SLC2A14: variants seen among roughly 807,000 people sequenced by gnomAD.
SLC2A14 encodes the protein solute carrier family 2, facilitated glucose transporter member 14.
A neutral mutation model predicts 43.0 loss-of-function variants in SLC2A14; 13 were observed. The ratio of observed to expected loss-of-function variants is 0.30; its 90% CI spans 0.20 to 0.48. The LOEUF (loss-of-function observed/expected upper bound fraction) is 0.48, where lower values mean the gene tolerates loss of function less well. Among genes scored for constraint, SLC2A14 ranks in the 20% least tolerant of loss-of-function variants. SLC2A14 has a pLI of 0.99. For synonymous variants in SLC2A14, 190 were observed against 233.8 expected, an observed-to-expected ratio of 0.81 and a Z score of 1.71; for missense variants, 428 against 620.4, an observed-to-expected ratio of 0.69 and a Z score of 3.29.
At chr12:7,829,134 C>A (rs1432195075) in intron 5 of SLC2A14, among the ~76,000 whole-genome samples, 1 of 151,896 alleles carries the variant, frequency 6.6e-6, no homozygotes, top group East Asian at 1.9e-4. Context: ...ATTACTTGAA[C>A]CCAGGAGGCG....
At chr12:7,874,815 T>TTTATATATAAATAATATATAAATACGTA (rs1565584713), upstream of SLC2A14, among the ~76,000 whole-genome samples, 5,290 of 79,140 alleles carry the variant, frequency 0.067, 596 homozygotes, top group East Asian at 0.3. Flanking sequence ...TAAATACGTA[T>TTTATATATAAATAATATATAAATACGTA]TTATATATAA....
chr12:7,870,006 G>T, intron 1 of SLC2A14, 69 bp from the exon 2 acceptor site: 1 of 936,502 alleles, frequency 1.1e-6, no homozygotes, highest in South Asian at 1.7e-5. Context: ...AAGAGGCTGT[G>T]ATTTAGCCCC....
chr12:7,826,857 T>TTCCTTCCTTCCTTCCTTCCTTCCTTC (rs1491266594), intron 7 of SLC2A14, among the ~76,000 whole-genome samples: 1 of 75,030 alleles, frequency 1.3e-5, no homozygotes, highest in Non-Finnish European at 2.7e-5. Context: ...TTCCTTCCTT[T>TTCCTTCCTTCCTTCCTTCCTTCCTTC]CTTTTTTCTT....
At chr12:7,821,926 G>A (rs1366743339) in intron 7 of SLC2A14, among the ~76,000 whole-genome samples, 1 of 149,034 alleles carries the variant, frequency 6.7e-6, no homozygotes, top group African/African-American at 2.5e-5. Flanking sequence ...CCGGGTTCAA[G>A]CGATTCTCCT....
Position 7,886,140 on chromosome 12 carries a change from C to T in SLC2A14, c.132+4856G>A, listed in dbSNP as rs189723789. 6.5e-3 allele frequency among the ~76,000 whole-genome samples: 859 copies of T among 131,788 alleles called. 19 individuals are homozygous for T. The highest frequency in any genetic ancestry group is 0.022 in the African/African-American group (821 of 36,606). 86.5% of individuals were successfully genotyped at this position (131,788 alleles called of 152,430 possible). On this transcript the variant is annotated intron_variant, in intron 1 of 9. Transcript: ENST00000539924. ...CTGGGATTACAGGCATGTACCACCA[C>T]GCCCGGACAGCTTTTTTTTTTTTTT...
At chr12:7,880,475 C>CAAAAAA (rs112149113) in intron 1 of SLC2A14, among the ~76,000 whole-genome samples, 1 of 145,604 alleles carries the variant, frequency 6.9e-6, no homozygotes, top group Admixed American at 6.9e-5. Context: ...ACTCTTGTCT[C>CAAAAAA]AAAAAAAAAA....
rs142613029 is a variant in SLC2A14, at chr12:7,837,292, T to C, written c.19-4478A>G. Among the ~76,000 whole-genome samples, 601 of 152,272 alleles carry C rather than the reference T, an allele frequency of 3.9e-3. 2 individuals carry two copies. Among genetic ancestry groups the C allele is most frequent in the African/African-American group, 0.014 (566 of 41,548 alleles). ...ATTTTATTTGTCAATTATACTTCAGTGAAGCTGAAAAGATATTTTAAAAAC... is the reference window on the plus strand; with the variant it reads ...ATTTTATTTGTCAATTATACTTCAGCGAAGCTGAAAAGATATTTTAAAAAC... On this transcript the variant is annotated intron_variant, in intron 2 of 10. Coordinates refer to ENST00000431042, the MANE Select transcript of SLC2A14 (RefSeq NM_001286234.2).
At position 7,855,205 on chromosome 12, in the gene SLC2A14, A is replaced by G. The variant is rs1867261237; in HGVS notation, c.18+14658T>C. On this transcript the variant is annotated intron_variant, in intron 2 of 10. Transcript: ENST00000431042. Reference sequence around the variant, plus strand: ...TAACCCCTTGATTCCCACTCTGGACATTAGGCATTCCATCTTTACATCCTC... The same window carrying G: ...TAACCCCTTGATTCCCACTCTGGACGTTAGGCATTCCATCTTTACATCCTC... Among the ~76,000 whole-genome samples the G allele has an allele frequency of 2.0e-5, 3 of 152,164 alleles. No individual in the cohort carries two copies. The South Asian group carries it at 6.2e-4, about 32-fold the overall frequency.
At position 7,869,931 on chromosome 12, in the gene SLC2A14, C is replaced by G. The variant is rs932473849; in HGVS notation, c.-51G>C. The G allele has an allele frequency of 4.6e-6, 7 of 1,522,812 alleles. No homozygotes were observed. The African/African-American group carries it at 9.6e-5, about 21-fold the overall frequency. 94.3% of individuals were successfully genotyped at this position (1,522,812 alleles called of 1,614,324 possible). A position where few individuals can be genotyped will look rare whatever the true frequency, so the allele number is the denominator to read the frequency against. The stretch of plus-strand genomic sequence containing the variant: ...CCCTCTCCAATTTCTCTTCAAGGTA[C>G]TGCTTCCTGTAAATTGTAATTGTCT... On this transcript the variant is annotated 5_prime_UTR_variant, in exon 2 of 11. Coordinates refer to ENST00000431042, the MANE Select transcript of SLC2A14 (RefSeq NM_001286234.2).
chr12:7,821,786 G>A (rs1362878645), intron 7 of SLC2A14, among the ~76,000 whole-genome samples: 1 of 150,418 alleles, frequency 6.6e-6, no homozygotes, highest in Non-Finnish European at 1.5e-5. Context: ...ACGATTACAG[G>A]CTCCTGCCAC....
chr12:7,835,736 G>T (rs1276104242), intron 2 of SLC2A14, among the ~76,000 whole-genome samples: 2 of 152,256 alleles, frequency 1.3e-5, no homozygotes, highest in East Asian at 1.9e-4. Flanking sequence ...CAATGTAAAT[G>T]GCATTTCAAG....
upstream of SLC2A14, among the ~76,000 whole-genome samples, chr12:7,875,817 A>T (rs1477437453): frequency 1.3e-5 from 2 of 152,122 alleles, no homozygotes; most frequent in African/African-American, 4.8e-5. Context: ...TCTACTAAAA[A>T]TACAAAAAAT....
chr12:7,890,804 GCTT>G, intron 1 of SLC2A14: 2 of 444,246 alleles, frequency 4.5e-6, no homozygotes, highest in Non-Finnish European at 3.9e-6. Flanking sequence ...AAAGAACAAA[GCTT>G]CTGGTACCTG....
chr12:7,887,827 A>G (rs767795441), intron 1 of SLC2A14, among the ~76,000 whole-genome samples: 23 of 152,060 alleles, frequency 1.5e-4, no homozygotes, highest in Non-Finnish European at 2.9e-4. Flanking sequence ...TCTAGTCCCA[A>G]TGTATTCGTC....
In SLC2A14 at chr12:7,843,049, C is replaced by A. The variant is rs112337078; in HGVS notation, c.19-10235G>T. Among the ~76,000 whole-genome samples the A allele has an allele frequency of 7.8e-3, 1,192 of 152,156 alleles. 19 individuals carry two copies. The highest frequency in any genetic ancestry group is 0.027 in the African/African-American group (1,103 of 41,516). ...GGCCACATAAATGTTTTAATATAGG[C>A]ATGCAATGTAAAATAATCACCTCAT... On this transcript the variant is annotated intron_variant, in intron 2 of 10. Coordinates refer to ENST00000431042, the MANE Select transcript of SLC2A14 (RefSeq NM_001286234.2).
chr12:7,868,740 G>C (rs1009690622), intron 2 of SLC2A14, among the ~76,000 whole-genome samples: 1 of 152,106 alleles, frequency 6.6e-6, no homozygotes, highest in Non-Finnish European at 1.5e-5. Context: ...ACAGTGGCTC[G>C]CTCATGGCTG....
chr12:7,868,599 C>A (rs1368512737), intron 2 of SLC2A14, among the ~76,000 whole-genome samples: 1 of 151,970 alleles, frequency 6.6e-6, no homozygotes, highest in African/African-American at 2.4e-5. Flanking sequence ...AATAGCTACT[C>A]GAGAAATATT....
intron 2 of SLC2A14, among the ~76,000 whole-genome samples, chr12:7,848,160 C>A (rs1866611992): frequency 6.6e-6 from 1 of 152,084 alleles, no homozygotes; most frequent in Non-Finnish European, 1.5e-5. Flanking sequence ...TGAGTCATTT[C>A]TATTTCCAAG....
At chr12:7,849,702 C>A (rs1273997331) in intron 2 of SLC2A14, among the ~76,000 whole-genome samples, 1 of 151,586 alleles carries the variant, frequency 6.6e-6, no homozygotes, top group Non-Finnish European at 1.5e-5. Context: ...AAATGGAGAC[C>A]AGCCTGGCCA....
Sources: allele counts gnomAD v4.1 joint callset (sites outside exome capture counted in the v4.1 genomes callset), GRCh38; gene constraint gnomAD v4.1.1; transcripts MANE v1.5; gene names NCBI Gene and HGNC (gene_info 2026-07-23, HGNC 2026-07-21).